Variants in VPS4B observed in about 807,000 individuals in gnomAD.
VPS4B encodes the protein vacuolar protein sorting 4 homolog B.
A neutral mutation model predicts 56.1 loss-of-function variants in VPS4B; 23 were observed. That is an observed-to-expected ratio of 0.41 (90% CI 0.30 to 0.58). The LOEUF (loss-of-function observed/expected upper bound fraction) is 0.58. Among genes scored for constraint, VPS4B ranks in the 20% least tolerant of loss-of-function variants. The pLI is 0.29. For synonymous variants in VPS4B, 177 were observed against 186.0 expected (o/e 0.95, Z 0.39); for missense variants, 372 against 531.9 (o/e 0.70, Z 2.96).
In VPS4B at chr18:63,389,722, G is replaced by A. The variant is rs1219912928; in HGVS notation, c.*1253C>T. 6.6e-6 allele frequency: 1 copy of A among 152,540 alleles called. No individual in the cohort carries two copies. The highest frequency in any genetic ancestry group is 2.4e-5 in the African/African-American group (1 of 41,414). 9.4% of individuals were successfully genotyped at this position (152,540 alleles called of 1,614,324 possible). A position where few individuals can be genotyped will look rare whatever the true frequency, so the allele number is the denominator to read the frequency against. On this transcript the variant is annotated 3_prime_UTR_variant, in exon 11 of 11. Transcript: ENST00000238497. ...GACAAACTGTTCCCTGAACTTAAAA[G>A]GTGAAGGACAAGACCCCATATTATT... is the stretch of plus-strand genomic sequence containing the variant.
rs1414046021 is a variant in VPS4B at position 63,393,543 on chromosome 18, C to T, written c.1099G>A (p.Gly367Arg). ...QSATHFKKVRGPSRADPNHLV... is the reference protein window; with the variant it reads ...QSATHFKKVRRPSRADPNHLV... ...TGGTTAGGATCAGCTCGGGAAGGTC[C>T]GCGAACCTGAAATAAACAGTAATCT... is the stretch of plus-strand genomic sequence containing the variant. Residue 367 changes from glycine (G) to arginine (R), a missense_variant, in exon 10 of 11, where the codon GGA (glycine) becomes AGA (arginine). Transcript: ENST00000238497. 9 of 1,576,736 alleles carry T rather than the reference C, an allele frequency of 5.7e-6. No individual in the cohort carries two copies. In the African/African-American group the frequency reaches 6.8e-5, roughly 12 times the overall value.
intron 1 of VPS4B, among the ~76,000 whole-genome samples, chr18:63,418,081 C>T (rs374084071): frequency 2.6e-5 from 4 of 152,326 alleles, no homozygotes; most frequent in South Asian, 2.1e-4. Context: ...TCTCTCCAAC[C>T]TTTCCTTTTT....
intron 1 of VPS4B, among the ~76,000 whole-genome samples, chr18:63,419,568 A>G (rs1183299037): frequency 6.6e-6 from 1 of 152,152 alleles, no homozygotes; most frequent in African/African-American, 2.4e-5. Context: ...CTCCTTGCCC[A>G]GTACATTTTA....
chr18:63,400,492 T>C, intron 6 of VPS4B, 55 bp downstream of exon 6: 2 of 1,521,626 alleles, frequency 1.3e-6, no homozygotes, highest in Admixed American at 2.0e-5. Flanking sequence ...TATTAAGGAG[T>C]GATACAGTAA....
intron 4 of VPS4B, 183 bp downstream of exon 4, chr18:63,407,249 T>G: frequency 1.8e-6 from 1 of 566,332 alleles, no homozygotes; most frequent in Non-Finnish European, 3.1e-6. Flanking sequence ...GACCAAACCA[T>G]GATCCTAGAG....
At chr18:63,417,997 C>T (rs1313039816) in intron 1 of VPS4B, among the ~76,000 whole-genome samples, 3 of 152,194 alleles carry the variant, frequency 2.0e-5, no homozygotes, top group Non-Finnish European at 4.4e-5. Context: ...CCAATTCTTT[C>T]TCCTCTGCTG....
At chr18:63,399,442 C>T (rs1915761768) in intron 7 of VPS4B, 119 bp from the exon 8 acceptor site, 6 of 828,666 alleles carry the variant, frequency 7.2e-6, no homozygotes, top group Non-Finnish European at 1.2e-5. Context: ...TCTTGAGAGT[C>T]TGTCTTTGGA....
At position 63,400,160 on chromosome 18, in the gene VPS4B, G is replaced by A; in HGVS notation, c.678C>T (p.Asn226=). The A allele has an allele frequency of 6.2e-7, 1 of 1,611,484 alleles. No homozygotes were observed. The highest frequency in any genetic ancestry group is 8.5e-7 in the Non-Finnish European group (1 of 1,179,240). ...CATCAATGAAGATAATGGAGGGCTT[G>A]TTCTCTCTGGCAAGTTGGAATAAAT... ...VKNLFQLARE[N]KPSIIFIDEI... The change falls in exon 7 of 11, where the codon AAC becomes AAT. Residue 226 remains asparagine (N), a synonymous_variant. Coordinates refer to ENST00000238497, the MANE Select transcript of VPS4B (RefSeq NM_004869.4).
At chr18:63,399,046 T>A (rs1433722168) in intron 8 of VPS4B, among the ~76,000 whole-genome samples, 196 bp downstream of exon 8, 2 of 152,164 alleles carry the variant, frequency 1.3e-5, no homozygotes, top group East Asian at 1.9e-4. Context: ...GGAAATCTTG[T>A]ATATTTGATA....
chr18:63,415,143 C>T (rs1916134098), intron 1 of VPS4B, among the ~76,000 whole-genome samples: 2 of 152,066 alleles, frequency 1.3e-5, no homozygotes, highest in Non-Finnish European at 1.5e-5. Context: ...ACCATTTCAA[C>T]CTTATTTCTG....
rs1915487491 is a variant in VPS4B at position 63,389,198 on chromosome 18, T to C, written c.*1777A>G. The C allele has an allele frequency of 6.6e-6, 1 of 152,040 alleles. No homozygotes were observed. Among genetic ancestry groups the C allele is most frequent in the African/African-American group, 2.4e-5 (1 of 41,402 alleles). 9.4% of individuals were successfully genotyped at this position (152,040 alleles called of 1,614,324 possible). On this transcript the variant is annotated 3_prime_UTR_variant, in exon 11 of 11. Transcript: ENST00000238497. ...GTCATTGAAAAACAGAATTTTCATATATACATTAATAATTTTAATGATTTC... is the reference window on the plus strand; with the variant it reads ...GTCATTGAAAAACAGAATTTTCATACATACATTAATAATTTTAATGATTTC...
At position 63,399,334 on chromosome 18, in the gene VPS4B, A is replaced by T; in HGVS notation, c.791-11T>A. On this transcript the variant is annotated splice_polypyrimidine_tract_variant and intron_variant, in intron 7 of 10. Coordinates refer to ENST00000238497, the MANE Select transcript of VPS4B (RefSeq NM_004869.4). ...TGTCTACACCAACCCCTGCATTAAAATAGGTAATGCTTTAATTAATTTGTC... is the reference window on the plus strand; with the variant it reads ...TGTCTACACCAACCCCTGCATTAAATTAGGTAATGCTTTAATTAATTTGTC... 1 of 1,607,492 alleles carries T rather than the reference A, an allele frequency of 6.2e-7. No individual in the cohort carries two copies. Among genetic ancestry groups the T allele is most frequent in the Non-Finnish European group, 8.5e-7 (1 of 1,174,278 alleles).
intron 1 of VPS4B, among the ~76,000 whole-genome samples, chr18:63,414,466 C>G (rs1434484211): frequency 6.6e-6 from 1 of 152,114 alleles, no homozygotes; most frequent in African/African-American, 2.4e-5. Flanking sequence ...TGGAGTCTCA[C>G]TCTTGTCGCC....
At chr18:63,401,721 G>A (rs1915814664) in intron 5 of VPS4B, among the ~76,000 whole-genome samples, 1 of 152,200 alleles carries the variant, frequency 6.6e-6, no homozygotes, top group Non-Finnish European at 1.5e-5. Context: ...GGCTGGGCAT[G>A]GTGGCTCATG....
chr18:63,406,366 G>T (rs1915917072), intron 4 of VPS4B, among the ~76,000 whole-genome samples: 1 of 152,230 alleles, frequency 6.6e-6, no homozygotes, highest in Non-Finnish European at 1.5e-5. Flanking sequence ...CATCCCAGTA[G>T]GGTAGGCAAG....
At chr18:63,391,279 A>G (rs1236761839) in intron 10 of VPS4B, among the ~76,000 whole-genome samples, 1 of 143,316 alleles carries the variant, frequency 7.0e-6, no homozygotes, top group African/African-American at 2.6e-5. Context: ...CTCAGGCTGG[A>G]GCGCAGTGGC....
At chr18:63,421,089 C>G (rs1214858982) in intron 1 of VPS4B, among the ~76,000 whole-genome samples, 2 of 149,838 alleles carry the variant, frequency 1.3e-5, no homozygotes, top group Non-Finnish European at 3.0e-5. Context: ...ACAGACAAAT[C>G]AACACTTGAC....
At chr18:63,408,620 A>G (rs1341929065) in intron 3 of VPS4B, among the ~76,000 whole-genome samples, 1 of 152,230 alleles carries the variant, frequency 6.6e-6, no homozygotes, top group Admixed American at 6.5e-5. Context: ...CAGAGGATTT[A>G]CTACCTGCTC....
At position 63,410,466 on chromosome 18, in the gene VPS4B, G is replaced by C. The variant is rs770235862; in HGVS notation, c.140-20C>G. ...CTTCATCTATTAAAGGGAAATGAGAGAGATTTTTTTCCATTAGTATTCTAT... is the reference window on the plus strand; with the variant it reads ...CTTCATCTATTAAAGGGAAATGAGACAGATTTTTTTCCATTAGTATTCTAT... On this transcript the variant is annotated intron_variant, in intron 2 of 10. Coordinates refer to ENST00000238497, the MANE Select transcript of VPS4B (RefSeq NM_004869.4). 6 of 1,606,802 alleles carry C rather than the reference G, an allele frequency of 3.7e-6. No individual in the cohort carries two copies. Among genetic ancestry groups the C allele is most frequent in the Non-Finnish European group, 8.5e-7 (1 of 1,179,200 alleles).
Sources: allele counts gnomAD v4.1 joint callset (sites outside exome capture counted in the v4.1 genomes callset), GRCh38; gene constraint gnomAD v4.1.1; transcripts MANE v1.5; gene names NCBI Gene and HGNC (gene_info 2026-07-23, HGNC 2026-07-21).